Variants in CLUAP1 observed in about 807,000 individuals in gnomAD.
The protein encoded by CLUAP1 is intraflagellar transport 38.
In CLUAP1, 50 loss-of-function variants were observed where a neutral mutation model predicts 55.0. The ratio of observed to expected loss-of-function variants is 0.91; its 90% confidence interval spans 0.72 to 1.15. CLUAP1 has a LOEUF of 1.15. CLUAP1 is among the 50% of genes most tolerant of loss of function. CLUAP1 has a pLI of 0.00. For synonymous variants in CLUAP1, 195 were observed against 175.4 expected, an observed-to-expected ratio of 1.11 and a Z score of -0.88; for missense variants, 530 against 507.6, an observed-to-expected ratio of 1.04 and a Z score of -0.42.
At chr16:3,509,135 C>G (rs1567425384) in intron 4 of CLUAP1, among the ~76,000 whole-genome samples, 1 of 152,074 alleles carries the variant, frequency 6.6e-6, no homozygotes, top group South Asian at 2.1e-4. Context: ...TGGTACACAC[C>G]TGTGGTCCCA....
In CLUAP1 at chr16:3,536,155, G is replaced by C. The variant is rs149074675; in HGVS notation, c.1126G>C (p.Asp376His). Reference sequence around the variant, plus strand: ...GGAGGAGAGTGAAATTGACATGGAAGATGATGATGACGAGGATGACGATTT... The same window carrying C: ...GGAGGAGAGTGAAATTGACATGGAACATGATGATGACGAGGATGACGATTT... ...DSEESEIDME[D>H]DDDEDDDLED... Residue 376 changes from aspartate to histidine, a missense_variant, in exon 12 of 12, where the codon GAT becomes CAT. Asp to His is a moderately conservative substitution (Grantham distance 81). Coordinates refer to ENST00000576634, the MANE Select transcript of CLUAP1 (RefSeq NM_015041.3). The C allele has an allele frequency of 4.3e-6, 7 of 1,614,198 alleles. No homozygotes were observed. The African/African-American group carries it at 8.0e-5, about 18-fold the overall frequency.
chr16:3,500,877 G>C (rs1030453684), upstream of CLUAP1: 2 of 618,744 alleles, frequency 3.2e-6, no homozygotes, highest in Non-Finnish European at 5.6e-6. Flanking sequence ...GGCGTCTCAG[G>C]AGCGCTCTCT....
rs142451935 is a variant in CLUAP1 at position 3,532,833 on chromosome 16, G to A, written c.1084G>A (p.Asp362Asn). 3.3e-4 allele frequency: 528 copies of A among 1,614,102 alleles called. 2 individuals carry two copies. Among genetic ancestry groups the A allele is most frequent in the Non-Finnish European group, 4.0e-4 (477 of 1,179,988 alleles). The change falls in exon 11 of 12, where the codon GAT becomes AAT. Residue 362 changes from aspartate to asparagine, a missense_variant. Asp to Asn is a conservative substitution (Grantham distance 23). Transcript: ENST00000576634. ...GGGCACGATGCAAGGTGGAGACTCC[G>A]ATGACAATGTAAGTCCCCCGCTCCC... ...IVGTMQGGDSDDNEDSEESEI... is the reference protein window; with the variant it reads ...IVGTMQGGDSNDNEDSEESEI...
At position 3,526,471 on chromosome 16, in the gene CLUAP1, G is replaced by C. The variant is rs763639323; in HGVS notation, c.915G>C (p.Leu305=). 1 of 1,607,000 alleles carries C rather than the reference G, an allele frequency of 6.2e-7. No individual in the cohort carries two copies. The highest frequency in any genetic ancestry group is 8.5e-7 in the Non-Finnish European group (1 of 1,177,954). ...QNKLKEEEKR[L]LKSGSNDDSD... is the part of the protein sequence containing the mutation. The stretch of plus-strand genomic sequence containing the variant: ...AGCTCAAGGAGGAAGAGAAGCGCCT[G>C]CTCAAGAGTGGAAGTAAGGCTGGGC... The change falls in exon 9 of 12, where the codon CTG becomes CTC. Residue 305 remains leucine, a synonymous_variant. Transcript: ENST00000576634.
intron 3 of CLUAP1, among the ~76,000 whole-genome samples, chr16:3,507,680 TTGTGTGTG>T (rs61672090): frequency 0.021 from 2,939 of 143,064 alleles, 88 homozygotes; most frequent in African/African-American, 0.067. Flanking sequence ...CTTCCAGAGT[TTGTGTGTG>T]TGTGTGTGTG....
chr16:3,519,307 A>G (rs778224233), intron 6 of CLUAP1, among the ~76,000 whole-genome samples: 2 of 152,150 alleles, frequency 1.3e-5, no homozygotes, highest in Non-Finnish European at 2.9e-5. Context: ...GGCCATTGCC[A>G]CTGTGGGAAC....
chr16:3,495,946 C>T, the CLUAP1 span, among the ~76,000 whole-genome samples: 1 of 152,106 alleles, frequency 6.6e-6, no homozygotes, highest in African/African-American at 2.4e-5. Flanking sequence ...CGAGACCATC[C>T]TGGCTAACAC....
chr16:3,521,912 A>C (rs921529571), intron 7 of CLUAP1, among the ~76,000 whole-genome samples: 1 of 152,002 alleles, frequency 6.6e-6, no homozygotes, highest in Non-Finnish European at 1.5e-5. Flanking sequence ...TATAAAAAAT[A>C]GCTGGGCATA....
At chr16:3,513,715 G>C (rs1308702890) in intron 5 of CLUAP1, among the ~76,000 whole-genome samples, 1 of 152,174 alleles carries the variant, frequency 6.6e-6, no homozygotes, top group Admixed American at 6.5e-5. Context: ...CTCCCAAAGT[G>C]CTGGGATTAC....
chr16:3,523,421 C>A, intron 8 of CLUAP1, 122 bp downstream of exon 8: 2 of 1,174,980 alleles, frequency 1.7e-6, no homozygotes, highest in Non-Finnish European at 2.4e-6. Flanking sequence ...TCTCCCTGGT[C>A]AGTCTGAGGA....
Position 3,506,328 on chromosome 16 carries a change from T to G in CLUAP1, c.135-3T>G. On this transcript the variant is annotated splice_region_variant and splice_polypyrimidine_tract_variant and intron_variant, in intron 2 of 11. Coordinates refer to ENST00000576634, the MANE Select transcript of CLUAP1 (RefSeq NM_015041.3). ...TGCTCTCTCCTCTTACCTCTCTTGA[T>G]AGATATGAGCCCCAGACTGACATCC... is the stretch of plus-strand genomic sequence containing the variant. 1 of 1,612,972 alleles carries G rather than the reference T, an allele frequency of 6.2e-7. No homozygotes were observed. Among genetic ancestry groups the G allele is most frequent in the Non-Finnish European group, 8.5e-7 (1 of 1,179,002 alleles).
At chr16:3,532,954 G>A in intron 11 of CLUAP1, 113 bp downstream of exon 11, 1 of 1,406,912 alleles carries the variant, frequency 7.1e-7, no homozygotes, top group Non-Finnish European at 1.0e-6. Flanking sequence ...GGTCAGCCCG[G>A]CCGTGCCTCG....
At chr16:3,532,363 A>G (rs2038138674) in intron 10 of CLUAP1, among the ~76,000 whole-genome samples, 1 of 131,624 alleles carries the variant, frequency 7.6e-6, no homozygotes, top group Non-Finnish European at 1.7e-5. Flanking sequence ...CTTTAAAAAC[A>G]TTTCTTATCT....
rs749413002 is a variant in CLUAP1, at chr16:3,530,649, A to G, written c.1010A>G (p.Gln337Arg). The change falls in exon 10 of 12, where the codon CAG becomes CGG. Residue 337 changes from glutamine (Q) to arginine (R), a missense_variant. Coordinates refer to ENST00000576634, the MANE Select transcript of CLUAP1 (RefSeq NM_015041.3). ...GAAGAAAGGCGGCTGCCCAAGCCACAGACAGCCATGGAGATGCTCATGCAA... is the reference window on the plus strand; with the variant it reads ...GAAGAAAGGCGGCTGCCCAAGCCACGGACAGCCATGGAGATGCTCATGCAA... The part of the protein sequence containing the change: ...ELEERRLPKP[Q>R]TAMEMLMQGR... 8 of 1,614,086 alleles carry G rather than the reference A, an allele frequency of 5.0e-6. No homozygotes were observed. Among genetic ancestry groups the G allele is most frequent in the Admixed American group, 1.7e-5 (1 of 60,022 alleles).
Position 3,537,402 on chromosome 16 carries a change from C to T in CLUAP1, c.*1131C>T, listed in dbSNP as rs993223129. On this transcript the variant is annotated 3_prime_UTR_variant, in exon 12 of 12. Transcript: ENST00000576634. ...AAAAGTACTTAGCTGGGAGTGGTGG[C>T]AAGCGCCCTTGGGTCCAGCTACTCA... The T allele has an allele frequency of 6.6e-6, 1 of 151,736 alleles. No homozygotes were observed. The highest frequency in any genetic ancestry group is 2.4e-5 in the African/African-American group (1 of 41,244). The allele number at this position is 151,736 out of a possible 1,614,324, so 9.4% of individuals were successfully genotyped here.
intron 9 of CLUAP1, among the ~76,000 whole-genome samples, chr16:3,529,430 TAA>T (rs1275352017): frequency 2.1e-4 from 17 of 80,030 alleles, no homozygotes; most frequent in African/African-American, 7.3e-4. Flanking sequence ...TTATTATATA[TAA>T]TATATATTAT....
At chr16:3,505,747 T>C (rs942919115) in intron 2 of CLUAP1, among the ~76,000 whole-genome samples, 4 of 152,214 alleles carry the variant, frequency 2.6e-5, no homozygotes, top group Admixed American at 2.0e-4. Context: ...AATGGAGATT[T>C]CTTTTTCTGT....
At chr16:3,525,899 C>T (rs2037932236) in intron 8 of CLUAP1, among the ~76,000 whole-genome samples, 1 of 152,178 alleles carries the variant, frequency 6.6e-6, no homozygotes, top group South Asian at 2.1e-4. Flanking sequence ...ATCAAGGCCA[C>T]ATTTTATGAT....
chr16:3,525,585 TCTCA>T (rs1450383001), intron 8 of CLUAP1, among the ~76,000 whole-genome samples: 2 of 151,884 alleles, frequency 1.3e-5, no homozygotes, highest in African/African-American at 4.8e-5. Context: ...CTCAACGGGG[TCTCA>T]CTCTGTTGCC....
Sources: allele counts gnomAD v4.1 joint callset (sites outside exome capture counted in the v4.1 genomes callset), GRCh38; gene constraint gnomAD v4.1.1; transcripts MANE v1.5; gene names NCBI Gene and HGNC (gene_info 2026-07-23, HGNC 2026-07-21).